The following PHEX variants were observed in gnomAD, a reference collection of about 807,000 sequenced individuals.
The protein encoded by PHEX is phosphate regulating endopeptidase X-linked.
PHEX carries 16 observed loss-of-function variants against 68.0 expected under a neutral mutation model. The observed-to-expected ratio is 0.24, with a 90% CI of 0.16 to 0.36. The LOEUF (loss-of-function observed/expected upper bound fraction) is 0.36. Ranked by LOEUF, PHEX falls within the 10% of genes least tolerant of loss-of-function variation. The pLI, the probability that PHEX is intolerant of heterozygous loss-of-function variation, is 1.00. For synonymous variants in PHEX, 208 were observed against 205.1 expected (o/e 1.01, Z -0.12); for missense variants, 480 against 575.5 (o/e 0.83, Z 1.70).
At position 22,039,648 on chromosome X, in the gene PHEX, G is replaced by A. The variant is rs774508953; in HGVS notation, c.187+1111G>A. On this transcript the variant is annotated intron_variant, in intron 2 of 21. Coordinates refer to ENST00000379374, the MANE Select transcript of PHEX (RefSeq NM_000444.6). Reference sequence around the variant, plus strand: ...ATTAGGGTGTGGAGACTATATGCGGGTTTAAGGAATTTGGCTCAGAGCCGG... The same window carrying A: ...ATTAGGGTGTGGAGACTATATGCGGATTTAAGGAATTTGGCTCAGAGCCGG... 4.5e-5 allele frequency among the ~76,000 whole-genome samples: 5 copies of A among 112,347 alleles called. No homozygotes were observed. In the South Asian group the frequency reaches 1.8e-3, roughly 41 times the overall value.
At chrX:22,110,733 G>A (rs938025528) in intron 9 of PHEX, among the ~76,000 whole-genome samples, 3 of 111,041 alleles carry the variant, frequency 2.7e-5, no homozygotes, top group Non-Finnish European at 5.7e-5. Context: ...GTTCTCACTC[G>A]TAGGTGGGAA....
intron 19 of PHEX, among the ~76,000 whole-genome samples, chrX:22,226,718 A>G (rs1476559167): frequency 2.7e-5 from 3 of 111,848 alleles, no homozygotes; most frequent in Non-Finnish European, 3.8e-5. Flanking sequence ...AAGTCACCCT[A>G]AAGAATAATA....
intron 3 of PHEX, among the ~76,000 whole-genome samples, chrX:22,047,537 A>AACAATTTCTTGCTCATTGTGTCCT (rs1354475040): frequency 1.1e-4 from 12 of 112,333 alleles, no homozygotes; most frequent in Non-Finnish European, 1.3e-4. Flanking sequence ...TTGTATTCAG[A>AACAATTTCTTGCTCATTGTGTCCT]GTAAACTTCA....
At chrX:22,057,615 T>C (rs1329034183) in intron 3 of PHEX, among the ~76,000 whole-genome samples, 13 of 110,711 alleles carry the variant, frequency 1.2e-4, no homozygotes, top group African/African-American at 4.3e-4. Context: ...GAAAGTCCCC[T>C]ACCCAATCTC....
At chrX:22,224,739 C>T (rs1935388039) in intron 18 of PHEX, among the ~76,000 whole-genome samples, 1 of 109,998 alleles carries the variant, frequency 9.1e-6, no homozygotes, top group South Asian at 4.0e-4. Context: ...TGTACTGAAG[C>T]TAGGAGGGTC....
intron 15 of PHEX, among the ~76,000 whole-genome samples, chrX:22,196,412 G>A (rs780521736): frequency 8.9e-6 from 1 of 111,966 alleles, no homozygotes; most frequent in Non-Finnish European, 1.9e-5. Flanking sequence ...AAGTCATAGT[G>A]TCTTTGTTGC....
chrX:22,187,178 T>G (rs1278229575), intron 14 of PHEX, among the ~76,000 whole-genome samples: 1 of 112,050 alleles, frequency 8.9e-6, no homozygotes, highest in Non-Finnish European at 1.9e-5. Flanking sequence ...TGCTTTGGAT[T>G]TCATAAGGCT....
chrX:22,057,708 CACTT>C (rs779804432), intron 3 of PHEX, among the ~76,000 whole-genome samples: 1 of 111,858 alleles, frequency 8.9e-6, no homozygotes, highest in Non-Finnish European at 1.9e-5. Context: ...CTGTTCTTCT[CACTT>C]ACACCCATCC....
At chrX:22,187,578 G>A (rs1027746397) in intron 14 of PHEX, among the ~76,000 whole-genome samples, 17 of 111,589 alleles carry the variant, frequency 1.5e-4, no homozygotes, top group African/African-American at 5.2e-4. Context: ...CACCTGCAAA[G>A]TCCTTCTTAC....
intron 9 of PHEX, among the ~76,000 whole-genome samples, chrX:22,100,664 A>T (rs1351958725): frequency 1.8e-5 from 2 of 111,627 alleles, no homozygotes; most frequent in Non-Finnish European, 3.8e-5. Flanking sequence ...GGTTTACTGT[A>T]TTAGAAAAAG....
intron 13 of PHEX, among the ~76,000 whole-genome samples, chrX:22,176,391 AAAAAAAAAAAAAT>A (rs1933696584): frequency 1.6e-5 from 1 of 62,688 alleles, no homozygotes; most frequent in Admixed American, 1.5e-4. Context: ...TCTCAAAAAA[AAAAAAAAAAAAAT>A]ATATATATAT....
chrX:22,240,390 T>C (rs1222473394), intron 20 of PHEX, among the ~76,000 whole-genome samples: 2 of 111,944 alleles, frequency 1.8e-5, no homozygotes, highest in East Asian at 2.8e-4. Context: ...CATAACAATA[T>C]TGACCTTAAA....
chrX:22,105,394 T>G (rs1219787696), intron 9 of PHEX, among the ~76,000 whole-genome samples: 1 of 112,223 alleles, frequency 8.9e-6, no homozygotes, highest in Non-Finnish European at 1.9e-5. Context: ...AAATACAGTC[T>G]GCTGGCCCCC....
intron 15 of PHEX, among the ~76,000 whole-genome samples, chrX:22,206,520 A>G (rs749691564): frequency 1.8e-5 from 2 of 111,622 alleles, no homozygotes; most frequent in Non-Finnish European, 3.8e-5. Flanking sequence ...GTCAAATGTA[A>G]ACTGTCTTAG....
chrX:22,218,097 T>C (rs1935149936), intron 16 of PHEX, among the ~76,000 whole-genome samples: 1 of 110,135 alleles, frequency 9.1e-6, no homozygotes, highest in South Asian at 3.9e-4. Flanking sequence ...GGCTGGGGCA[T>C]GGCAGGGCCT....
chrX:22,095,155 G>A (rs759533230), intron 7 of PHEX, among the ~76,000 whole-genome samples: 2 of 111,471 alleles, frequency 1.8e-5, no homozygotes, highest in South Asian at 7.7e-4. Context: ...CTTTGCCGTG[G>A]TGATGTTCGT....
chrX:22,247,395 T>C (rs186413658), intron 21 of PHEX, among the ~76,000 whole-genome samples: 81 of 111,985 alleles, frequency 7.2e-4, no homozygotes, highest in African/African-American at 2.6e-3. Context: ...GAAGTCAGAA[T>C]AGTAGGTTAT....
chrX:22,223,416 A>G (rs769605865), intron 18 of PHEX, among the ~76,000 whole-genome samples: 2 of 111,170 alleles, frequency 1.8e-5, no homozygotes, highest in African/African-American at 6.5e-5. Flanking sequence ...CAGAGGGGTG[A>G]GGCTGCTCCA....
chrX:22,180,899 T>C (rs937827578), intron 14 of PHEX, among the ~76,000 whole-genome samples: 2 of 112,109 alleles, frequency 1.8e-5, no homozygotes, highest in African/African-American at 6.5e-5. Flanking sequence ...TAGTATTGTC[T>C]AGTTTCATCC....
Sources: allele counts gnomAD v4.1 joint callset (sites outside exome capture counted in the v4.1 genomes callset), GRCh38; gene constraint gnomAD v4.1.1; transcripts MANE v1.5; gene names NCBI Gene and HGNC (gene_info 2026-07-23, HGNC 2026-07-21).